The following MECOM variants were observed in gnomAD, a reference collection of about 807,000 sequenced individuals.
The protein encoded by MECOM is MDS1 and EVI1 complex locus.
MECOM carries 13 observed loss-of-function variants against 116.3 expected under a neutral mutation model. The observed-to-expected ratio is 0.11, with a 90% CI of 0.07 to 0.18. The LOEUF (loss-of-function observed/expected upper bound fraction) is 0.18. Ranked by LOEUF, MECOM falls within the 10% of genes least tolerant of loss-of-function variation. MECOM has a pLI of 1.00. For missense variants in MECOM, 1,299 were observed against 1,509.0 expected (o/e 0.86, Z 2.31); for synonymous variants, 528 against 535.2 (o/e 0.99, Z 0.19).
chr3:169,230,469 T>G (rs1413481153), intron 2 of MECOM, among the ~76,000 whole-genome samples: 1 of 152,174 alleles, frequency 6.6e-6, no homozygotes, highest in Non-Finnish European at 1.5e-5. Context: ...TGAATGTATC[T>G]CCAAGATACC....
chr3:169,431,664 A>C (rs1741656879), intron 1 of MECOM, among the ~76,000 whole-genome samples: 1 of 152,228 alleles, frequency 6.6e-6, no homozygotes, highest in Admixed American at 6.5e-5. Context: ...TGGTAAATAC[A>C]ATTAGGTAGA....
chr3:169,339,506 G>A (rs1341363123), intron 2 of MECOM, among the ~76,000 whole-genome samples: 2 of 152,238 alleles, frequency 1.3e-5, no homozygotes, highest in Non-Finnish European at 2.9e-5. Flanking sequence ...CTTACCTAGT[G>A]TCTTGCTGCT....
At chr3:169,126,123 A>T (rs1732746235) in intron 5 of MECOM, among the ~76,000 whole-genome samples, 1 of 152,122 alleles carries the variant, frequency 6.6e-6, no homozygotes. Flanking sequence ...ACAGATAATT[A>T]GATTTCCTTA....
rs188777658 is a variant in MECOM at position 169,362,376 on chromosome 3, A to G, written c.375+18811T>C. On this transcript the variant is annotated intron_variant, in intron 2 of 16. Transcript: ENST00000651503. ...GACCTGAGTGAGACTTCAGAGGGTA[A>G]AGTCAAATGACTTTTCCAAGTTCCC... Among the ~76,000 whole-genome samples, 55 of 152,018 alleles carry G rather than the reference A, an allele frequency of 3.6e-4. No homozygotes were observed. In the East Asian group the frequency reaches 1.0e-2, roughly 28 times the overall value.
intron 1 of MECOM, among the ~76,000 whole-genome samples, chr3:169,595,553 C>G (rs1462803672): frequency 6.6e-6 from 1 of 152,116 alleles, no homozygotes; most frequent in Admixed American, 6.5e-5. Context: ...TCAAATGTGT[C>G]CCAGAGGAAC....
At chr3:169,483,050 T>G (rs369811337) in intron 1 of MECOM, among the ~76,000 whole-genome samples, 1 of 152,140 alleles carries the variant, frequency 6.6e-6, no homozygotes, top group Non-Finnish European at 1.5e-5. Context: ...GGTATTCACC[T>G]CAACTCGAAT....
At chr3:169,612,398 A>T (rs932967945) in intron 1 of MECOM, among the ~76,000 whole-genome samples, 5 of 152,186 alleles carry the variant, frequency 3.3e-5, no homozygotes, top group African/African-American at 1.2e-4. Flanking sequence ...GAGCTTGAAG[A>T]CTAACTAAAA....
At chr3:169,233,581 C>T (rs1266256351) in intron 2 of MECOM, among the ~76,000 whole-genome samples, 1 of 152,126 alleles carries the variant, frequency 6.6e-6, no homozygotes, top group Non-Finnish European at 1.5e-5. Flanking sequence ...CAGTTGTGCG[C>T]AGATAAGCAG....
chr3:169,659,072 CAAAAAAAAA>C (rs199570807), intron 1 of MECOM, among the ~76,000 whole-genome samples: 4 of 83,558 alleles, frequency 4.8e-5, no homozygotes, highest in Admixed American at 1.3e-4. Flanking sequence ...CCTTCAACTC[CAAAAAAAAA>C]AAAAAAAAAA....
intron 8 of MECOM, 35 bp from the exon 9 acceptor site, chr3:169,112,909 A>G (rs767309494): frequency 7.1e-7 from 1 of 1,413,554 alleles, no homozygotes; most frequent in East Asian, 2.3e-5. Context: ...GAGATGAAGC[A>G]GTCTCACATA....
intron 2 of MECOM, among the ~76,000 whole-genome samples, chr3:169,160,958 C>A (rs567334212): frequency 6.6e-6 from 1 of 152,172 alleles, no homozygotes; most frequent in African/African-American, 2.4e-5. Context: ...CCTCAGTAGA[C>A]GCTGTTCAAT....
At chr3:169,501,626 TA>T (rs1365495787) in intron 1 of MECOM, among the ~76,000 whole-genome samples, 1 of 152,058 alleles carries the variant, frequency 6.6e-6, no homozygotes, top group Non-Finnish European at 1.5e-5. Flanking sequence ...ATTAACAACA[TA>T]AAACATTCTT....
intron 2 of MECOM, among the ~76,000 whole-genome samples, chr3:169,212,998 T>A (rs1177252197): frequency 6.6e-6 from 1 of 151,868 alleles, no homozygotes; most frequent in Non-Finnish European, 1.5e-5. Context: ...CCTCAGGCAT[T>A]TACTGTTTCA....
At chr3:169,651,352 A>C (rs1287980550) in intron 1 of MECOM, among the ~76,000 whole-genome samples, 1 of 152,196 alleles carries the variant, frequency 6.6e-6, no homozygotes, top group Non-Finnish European at 1.5e-5. Context: ...CCTGCAAGTG[A>C]TATGAAACCC....
intron 1 of MECOM, among the ~76,000 whole-genome samples, chr3:169,472,649 A>G (rs1749699441): frequency 1.5e-5 from 1 of 65,334 alleles, no homozygotes; most frequent in Admixed American, 1.4e-4. Context: ...AAAGGAAAGG[A>G]AAAGAAAAGA....
At chr3:169,228,022 G>A (rs11712167) in intron 2 of MECOM, among the ~76,000 whole-genome samples, 3 of 152,082 alleles carry the variant, frequency 2.0e-5, no homozygotes, top group Admixed American at 6.6e-5. Context: ...TGCTGGGAAC[G>A]CCAGAGAACC....
intron 1 of MECOM, among the ~76,000 whole-genome samples, chr3:169,474,232 G>C (rs1749994681): frequency 6.6e-6 from 1 of 152,200 alleles, no homozygotes; most frequent in Non-Finnish European, 1.5e-5. Context: ...AGTCAGCCGA[G>C]AGAGCAAACA....
At position 169,122,738 on chromosome 3, in the gene MECOM, A is replaced by G. The variant is rs1331613957; in HGVS notation, c.831-11T>C. On this transcript the variant is annotated splice_polypyrimidine_tract_variant and intron_variant, in intron 5 of 16. Coordinates refer to ENST00000651503, the MANE Select transcript of MECOM (RefSeq NM_004991.4). ...ATGTGTTTCTCCAGGCTGTTAAGAG[A>G]ACAATAGATTTTAAAAGACAAAGGA... The G allele has an allele frequency of 2.5e-6, 4 of 1,611,432 alleles. No individual in the cohort carries two copies. The African/African-American group carries it at 5.3e-5, about 22-fold the overall frequency.
intron 1 of MECOM, among the ~76,000 whole-genome samples, chr3:169,562,139 C>CA (rs10714325): frequency 0.19 from 4,803 of 25,014 alleles, 544 homozygotes; most frequent in Non-Finnish European, 0.27. Context: ...GAGCAATACT[C>CA]AAAAAAAAAA....
Sources: gnomAD v4.1 joint callset for allele counts (sites outside exome capture counted in the v4.1 genomes callset) on GRCh38, gnomAD v4.1.1 for gene constraint, MANE v1.5 for transcripts, NCBI Gene and HGNC (gene_info 2026-07-23, HGNC 2026-07-21) for gene names.